The following ARMC8 variants were observed in gnomAD, a reference collection of about 807,000 sequenced individuals.
The protein encoded by ARMC8 is armadillo repeat containing 8, also known as armadillo repeat-containing protein 8.
In ARMC8, 20 loss-of-function variants were observed where a neutral mutation model predicts 99.3. The ratio of observed to expected loss-of-function variants is 0.20; its 90% CI spans 0.14 to 0.29. The LOEUF is 0.29. Ranked by LOEUF, ARMC8 falls within the 10% of genes least tolerant of loss-of-function variation. The probability of loss-of-function intolerance (pLI) is 1.00; values close to 1 mark genes in which losing one functional copy is unlikely to be tolerated. For missense variants in ARMC8, 569 were observed against 809.5 expected (o/e 0.70, Z 3.60); for synonymous variants, 263 against 278.3 (o/e 0.95, Z 0.55).
chr3:138,248,851 T>A (rs959901429), intron 12 of ARMC8, among the ~76,000 whole-genome samples: 6 of 152,246 alleles, frequency 3.9e-5, no homozygotes, highest in Admixed American at 1.3e-4. Flanking sequence ...GGTTTTATTT[T>A]TGATAAAAGT....
chr3:138,240,170 G>A (rs1576731514), intron 10 of ARMC8, among the ~76,000 whole-genome samples: 1 of 152,078 alleles, frequency 6.6e-6, no homozygotes, highest in South Asian at 2.1e-4. Flanking sequence ...TCTATGCACA[G>A]GGTTATTGTG....
chr3:138,239,644 T>C, intron 10 of ARMC8, 116 bp downstream of exon 10: 1 of 551,320 alleles, frequency 1.8e-6, no homozygotes, highest in Non-Finnish European at 3.0e-6. Context: ...GTGCATGGCG[T>C]AGAATAATAT....
At chr3:138,199,171 G>C (rs1057242940) in intron 1 of ARMC8, among the ~76,000 whole-genome samples, 1 of 152,020 alleles carries the variant, frequency 6.6e-6, no homozygotes, top group Non-Finnish European at 1.5e-5. Context: ...GAAACTTGAC[G>C]TACCAAAAAG....
rs1487182219 is a variant in ARMC8, at chr3:138,187,309, C to G, written c.-246C>G. The G allele has an allele frequency of 4.3e-6, 2 of 464,386 alleles. No individual in the cohort carries two copies. Among genetic ancestry groups the G allele is most frequent in the Non-Finnish European group, 7.7e-6 (2 of 260,450 alleles). 28.8% of individuals were successfully genotyped at this position (464,386 alleles called of 1,614,324 possible). A position where few individuals can be genotyped will look rare whatever the true frequency, so the allele number is the denominator to read the frequency against. ...TGCGGAAACCGCTGCCCGCTTCCAC[C>G]TCTAACCCAGGCTCAGAGTAGCTGC... On this transcript the variant is annotated 5_prime_UTR_variant, in exon 1 of 22. Coordinates refer to ENST00000469044, the MANE Select transcript of ARMC8 (RefSeq NM_001363941.2).
At chr3:138,259,344 ACATTTTTGTCCT>A (rs2047551951) in intron 12 of ARMC8, among the ~76,000 whole-genome samples, 2 of 152,050 alleles carry the variant, frequency 1.3e-5, no homozygotes, top group African/African-American at 4.8e-5. Context: ...GTCTGTGATC[ACATTTTTGTCCT>A]CATTTTTGTC....
intron 19 of ARMC8, among the ~76,000 whole-genome samples, chr3:138,286,893 T>C (rs1484796000): frequency 1.3e-5 from 2 of 152,240 alleles, no homozygotes; most frequent in East Asian, 3.8e-4. Context: ...TCCATGTGGC[T>C]GTCTGATAGC....
At chr3:138,212,577 G>A (rs1321228000) in intron 2 of ARMC8, among the ~76,000 whole-genome samples, 1 of 152,080 alleles carries the variant, frequency 6.6e-6, no homozygotes, top group Non-Finnish European at 1.5e-5. Context: ...AAAGTGCTGG[G>A]ATTACAGGCG....
chr3:138,263,441 A>G (rs1168752579), intron 12 of ARMC8: 1 of 309,938 alleles, frequency 3.2e-6, no homozygotes, highest in Non-Finnish European at 6.1e-6. Flanking sequence ...TCTCAAGATT[A>G]TTTACATAAC....
At chr3:138,192,314 G>C (rs1225219304) in intron 1 of ARMC8, among the ~76,000 whole-genome samples, 3 of 106,384 alleles carry the variant, frequency 2.8e-5, no homozygotes, top group East Asian at 5.5e-4. Context: ...GTCTCCCTCT[G>C]TTGCCCAGGC....
chr3:138,265,346 C>A (rs1462926438), intron 14 of ARMC8, among the ~76,000 whole-genome samples: 1 of 152,192 alleles, frequency 6.6e-6, no homozygotes, highest in African/African-American at 2.4e-5. Context: ...TCCCCTGATA[C>A]ACTACAAAAC....
chr3:138,234,037 A>C (rs549566519), intron 6 of ARMC8, among the ~76,000 whole-genome samples: 5 of 152,270 alleles, frequency 3.3e-5, no homozygotes, highest in East Asian at 3.9e-4. Flanking sequence ...GAATTGATGA[A>C]AAAAAACCCT....
chr3:138,245,348 G>T, intron 12 of ARMC8, 165 bp downstream of exon 12: 1 of 1,476,972 alleles, frequency 6.8e-7, no homozygotes, highest in Non-Finnish European at 9.0e-7. Context: ...GATTTGGGGG[G>T]TTGTTTGTTT....
chr3:138,296,948 A>C lies in ARMC8; in HGVS notation c.*1056A>C, dbSNP rs2108414506. On this transcript the variant is annotated 3_prime_UTR_variant, in exon 22 of 22. Transcript: ENST00000469044. ...AACTAAAAGTAGGTCATCACTTCCCAGAAACAGAATACCTTGTGCTTCCTG... is the reference window on the plus strand; with the variant it reads ...AACTAAAAGTAGGTCATCACTTCCCCGAAACAGAATACCTTGTGCTTCCTG... The C allele has an allele frequency of 6.6e-6, 1 of 152,360 alleles. No individual in the cohort carries two copies. The highest frequency in any genetic ancestry group is 1.5e-5 in the Non-Finnish European group (1 of 68,034). 9.4% of individuals were successfully genotyped at this position (152,360 alleles called of 1,614,324 possible). A position where few individuals can be genotyped will look rare whatever the true frequency, so the allele number is the denominator to read the frequency against.
At chr3:138,226,215 C>T (rs1046013423) in intron 5 of ARMC8, among the ~76,000 whole-genome samples, 11 of 152,040 alleles carry the variant, frequency 7.2e-5, no homozygotes, top group Non-Finnish European at 1.3e-4. Flanking sequence ...AGGCTGGTCT[C>T]GAACTCCTGA....
chr3:138,248,480 A>T (rs568991743), intron 12 of ARMC8, among the ~76,000 whole-genome samples: 1 of 152,376 alleles, frequency 6.6e-6, no homozygotes, highest in South Asian at 2.1e-4. Context: ...ATTAGGAAGC[A>T]GAAGTCCAGT....
chr3:138,243,702 T>C (rs1238465777), intron 11 of ARMC8, among the ~76,000 whole-genome samples: 1 of 152,190 alleles, frequency 6.6e-6, no homozygotes, highest in Non-Finnish European at 1.5e-5. Context: ...ACCTACGTTA[T>C]ATTACCCAAC....
At chr3:138,286,430 C>T (rs1326434382) in intron 19 of ARMC8, among the ~76,000 whole-genome samples, 1 of 152,200 alleles carries the variant, frequency 6.6e-6, no homozygotes, top group Admixed American at 6.5e-5. Flanking sequence ...ACCCCACTTA[C>T]AGCAGACTTC....
intron 10 of ARMC8, among the ~76,000 whole-genome samples, chr3:138,240,394 G>A (rs930126189): frequency 2.6e-5 from 4 of 152,150 alleles, no homozygotes; most frequent in African/African-American, 9.7e-5. Context: ...CACTCCCTAA[G>A]TAAACAACTC....
chr3:138,267,266 G>T lies in ARMC8; in HGVS notation c.1386+25G>T, dbSNP rs749005785. ...GGTTAGTATTGATTTTCTTTTCCTAGACTTTGCCCAGTCCAGCTAGAGCTT... is the reference window on the plus strand; with the variant it reads ...GGTTAGTATTGATTTTCTTTTCCTATACTTTGCCCAGTCCAGCTAGAGCTT... On this transcript the variant is annotated intron_variant, in intron 15 of 21. Transcript: ENST00000469044. 2.8e-6 allele frequency: 4 copies of T among 1,412,916 alleles called. No homozygotes were observed. The South Asian group carries it at 5.2e-5, about 19-fold the overall frequency. 87.5% of individuals were successfully genotyped at this position (1,412,916 alleles called of 1,614,324 possible).
Sources: gnomAD v4.1 joint callset for allele counts (sites outside exome capture counted in the v4.1 genomes callset) on GRCh38, gnomAD v4.1.1 for gene constraint, MANE v1.5 for transcripts, NCBI Gene and HGNC (gene_info 2026-07-23, HGNC 2026-07-21) for gene names.